The following HERPUD2 variants were observed in gnomAD, a reference collection of about 807,000 sequenced individuals.
HERPUD2 encodes the protein HERPUD family member 2, also known as homocysteine-responsive endoplasmic reticulum-resident ubiquitin-like domain member 2 protein.
Under a neutral mutation model 49.9 loss-of-function variants are expected in HERPUD2, and 13 were observed. That is an observed-to-expected ratio of 0.26 (90% CI 0.17 to 0.41). The LOEUF (loss-of-function observed/expected upper bound fraction) is 0.41. HERPUD2 is among the 10% of genes least tolerant of loss of function. HERPUD2 has a pLI of 1.00. For synonymous variants in HERPUD2, 172 were observed against 171.4 expected, an observed-to-expected ratio of 1.00 and a Z score of -0.03; for missense variants, 449 against 492.2, an observed-to-expected ratio of 0.91 and a Z score of 0.83.
chr7:35,666,987 T>C (rs1250702582), intron 5 of HERPUD2, among the ~76,000 whole-genome samples: 4 of 152,226 alleles, frequency 2.6e-5, no homozygotes, highest in Admixed American at 2.0e-4. Context: ...CTTTCAAGTA[T>C]ACCTTCACTC....
chr7:35,642,672 G>T (rs1022638437), intron 5 of HERPUD2, among the ~76,000 whole-genome samples: 4 of 152,158 alleles, frequency 2.6e-5, no homozygotes, highest in African/African-American at 7.2e-5. Flanking sequence ...GGATGGAGCT[G>T]GAGGTCATTA....
At chr7:35,693,613 A>G (rs1449955277) in intron 2 of HERPUD2, among the ~76,000 whole-genome samples, 3 of 152,026 alleles carry the variant, frequency 2.0e-5, no homozygotes, top group African/African-American at 7.2e-5. Flanking sequence ...GATGACTTTA[A>G]GTCCAAAGAA....
chr7:35,654,371 C>T (rs1785230963), intron 5 of HERPUD2, among the ~76,000 whole-genome samples: 1 of 151,738 alleles, frequency 6.6e-6, no homozygotes, highest in Admixed American at 6.6e-5. Context: ...AACCTTACAA[C>T]TGATACCACA....
At chr7:35,642,997 G>GTAATTC (rs1784990668) in intron 5 of HERPUD2, among the ~76,000 whole-genome samples, 1 of 152,104 alleles carries the variant, frequency 6.6e-6, no homozygotes, top group African/African-American at 2.4e-5. Context: ...AACTGCCCAA[G>GTAATTC]TAATTCTATT....
At position 35,694,167 on chromosome 7, in the gene HERPUD2, A is replaced by C; in HGVS notation, c.147+17T>G. On this transcript the variant is annotated intron_variant, in intron 2 of 8. Transcript: ENST00000311350. ...GCTGCTGGTCAGAGCAGCTGCCCCC[A>C]GCTTTTACACACTTACTGGTTTGCT... The C allele has an allele frequency of 6.2e-7, 1 of 1,614,066 alleles. No individual in the cohort carries two copies. The highest frequency in any genetic ancestry group is 2.2e-5 in the East Asian group (1 of 44,872).
At chr7:35,636,761 T>C (rs1385183615) in intron 6 of HERPUD2, among the ~76,000 whole-genome samples, 13 of 152,150 alleles carry the variant, frequency 8.5e-5, no homozygotes, top group Non-Finnish European at 8.8e-5. Context: ...GGATGTAGAC[T>C]TCACAGTGGG....
Position 35,670,265 on chromosome 7 carries a change from AT to A in HERPUD2, c.288del (p.Lys96AsnfsTer37). On this transcript the variant is annotated frameshift_variant, in exon 4 of 9. Transcript: ENST00000311350. LOFTEE classifies it high-confidence loss of function. ...TCATGACTTTCTCTATTGGTGCTGG[AT>A]TTTGGAGAACTGGGAGGAGTCCGAG... is the stretch of plus-strand genomic sequence containing the variant. ...CTSRTPPSSPKSSTNRESHEA... is the reference protein window; with the variant it reads ...CTSRTPPSSPXSSTNRESHEA... 1 of 1,591,762 alleles carries A rather than the reference AT, an allele frequency of 6.3e-7. No individual in the cohort carries two copies. Among genetic ancestry groups the A allele is most frequent in the Non-Finnish European group, 8.6e-7 (1 of 1,167,316 alleles).
At chr7:35,668,557 T>C (rs1785585889) in intron 4 of HERPUD2, 3 of 154,794 alleles carry the variant, frequency 1.9e-5, no homozygotes, top group Admixed American at 6.5e-5. Context: ...ACTGCCTTCC[T>C]ATTGACAGGA....
chr7:35,682,386 TAC>T (rs1785934930), intron 2 of HERPUD2, among the ~76,000 whole-genome samples: 7 of 132,246 alleles, frequency 5.3e-5, no homozygotes, highest in Non-Finnish European at 8.0e-5. Context: ...TATATATATA[TAC>T]TTAATCGGCA....
intron 5 of HERPUD2, among the ~76,000 whole-genome samples, chr7:35,658,993 G>A (rs971831186): frequency 1.3e-5 from 2 of 152,270 alleles, no homozygotes; most frequent in African/African-American, 4.8e-5. Flanking sequence ...AGGGAGTAGG[G>A]ACCAGAAATG....
At chr7:35,680,862 A>G (rs1049230573) in intron 2 of HERPUD2, among the ~76,000 whole-genome samples, 3 of 152,250 alleles carry the variant, frequency 2.0e-5, no homozygotes, top group African/African-American at 7.2e-5. Flanking sequence ...AAGGGTCCGT[A>G]GCCATCTTGC....
At chr7:35,665,559 C>A (rs1057300330) in intron 5 of HERPUD2, among the ~76,000 whole-genome samples, 1 of 152,214 alleles carries the variant, frequency 6.6e-6, no homozygotes, top group African/African-American at 2.4e-5. Flanking sequence ...CGACCCCTTG[C>A]GCTTCCCAGG....
intron 5 of HERPUD2, among the ~76,000 whole-genome samples, chr7:35,658,145 C>A (rs374111267): frequency 6.6e-6 from 1 of 151,966 alleles, no homozygotes; most frequent in Non-Finnish European, 1.5e-5. Context: ...ACTATTTCAC[C>A]GTAAAAGAGG....
chr7:35,643,197 C>T (rs1182369331), intron 5 of HERPUD2, among the ~76,000 whole-genome samples: 4 of 152,138 alleles, frequency 2.6e-5, no homozygotes, highest in Non-Finnish European at 5.9e-5. Context: ...CTTATCGCCA[C>T]GTTGAAACTG....
At chr7:35,662,949 T>G (rs1785457592) in intron 5 of HERPUD2, among the ~76,000 whole-genome samples, 1 of 152,244 alleles carries the variant, frequency 6.6e-6, no homozygotes. Flanking sequence ...CTAGTTCTTT[T>G]AATTGTGATG....
At chr7:35,675,785 G>A (rs954355952) in intron 2 of HERPUD2, among the ~76,000 whole-genome samples, 1 of 151,854 alleles carries the variant, frequency 6.6e-6, no homozygotes, top group African/African-American at 2.4e-5. Flanking sequence ...ATGTAGAGAC[G>A]GGGTCTCACT....
intron 5 of HERPUD2, among the ~76,000 whole-genome samples, chr7:35,655,055 T>C (rs1174067440): frequency 6.6e-6 from 1 of 152,102 alleles, no homozygotes; most frequent in Non-Finnish European, 1.5e-5. Context: ...TTTCACAATG[T>C]TGGCCAGGCT....
In HERPUD2 at chr7:35,694,173, TAC is replaced by T. The variant is rs1319187452; in HGVS notation, c.147+9_147+10del. ...GGTCAGAGCAGCTGCCCCCAGCTTTTACACACTTACTGGTTTGCTAGGGTAAA... is the reference window on the plus strand; with the variant it reads ...GGTCAGAGCAGCTGCCCCCAGCTTTTACACTTACTGGTTTGCTAGGGTAAA... On this transcript the variant is annotated intron_variant, in intron 2 of 8. Coordinates refer to ENST00000311350, the MANE Select transcript of HERPUD2 (RefSeq NM_022373.5). 1.9e-6 allele frequency: 3 copies of T among 1,613,976 alleles called. No individual in the cohort carries two copies. The highest frequency in any genetic ancestry group is 2.7e-5 in the African/African-American group (2 of 74,918).
intron 5 of HERPUD2, among the ~76,000 whole-genome samples, chr7:35,645,340 G>A (rs1785033072): frequency 2.6e-5 from 4 of 152,182 alleles, no homozygotes; most frequent in East Asian, 1.9e-4. Context: ...ATAGATACTC[G>A]GGAGGCTGAG....
Sources: allele counts gnomAD v4.1 joint callset (sites outside exome capture counted in the v4.1 genomes callset), GRCh38; gene constraint gnomAD v4.1.1; transcripts MANE v1.5; gene names NCBI Gene and HGNC (gene_info 2026-07-23, HGNC 2026-07-21).